The following DMD variants were observed in gnomAD, a reference collection of about 807,000 sequenced individuals.
DMD encodes the protein mutant dystrophin.
A neutral mutation model predicts 330.1 loss-of-function variants in DMD; 63 were observed. That is an observed-to-expected ratio of 0.19 (90% CI 0.16 to 0.24). DMD has a LOEUF of 0.24. Ranked by LOEUF, DMD falls within the 10% of genes least tolerant of loss-of-function variation. The pLI is 1.00. For missense variants in DMD, 3,344 were observed against 2,684.1 expected (o/e 1.25, Z -5.43); for synonymous variants, 1,223 against 959.8 (o/e 1.27, Z -5.07).
intron 59 of DMD, among the ~76,000 whole-genome samples, chrX:31,446,703 T>C: frequency 1.0e-5 from 1 of 99,091 alleles, no homozygotes. Context: ...AAATGATCCA[T>C]ATTAATTTTG....
At chrX:31,738,345 A>G (rs2149059736) in intron 51 of DMD, among the ~76,000 whole-genome samples, 1 of 112,270 alleles carries the variant, frequency 8.9e-6, no homozygotes, top group Non-Finnish European at 1.9e-5. Context: ...ATTGATAACC[A>G]GAGAAATGAA....
intron 2 of DMD, among the ~76,000 whole-genome samples, chrX:32,868,055 T>C (rs1170099058): frequency 1.8e-5 from 2 of 110,026 alleles, no homozygotes; most frequent in African/African-American, 6.6e-5. Context: ...TGGGACTGAC[T>C]AGGCAGTTGG....
intron 3 of DMD, among the ~76,000 whole-genome samples, chrX:32,847,245 T>C (rs966866771): frequency 8.9e-6 from 1 of 111,965 alleles, no homozygotes; most frequent in African/African-American, 3.2e-5. Context: ...ACATTAAATG[T>C]ACACATGTGC....
intron 52 of DMD, among the ~76,000 whole-genome samples, chrX:31,726,443 T>C (rs2086062602): frequency 8.9e-6 from 1 of 112,534 alleles, no homozygotes; most frequent in Non-Finnish European, 1.9e-5. Flanking sequence ...TTTTTCTTTA[T>C]TTAGCTGATT....
At chrX:32,494,631 C>A (rs1033512887) in intron 19 of DMD, among the ~76,000 whole-genome samples, 1 of 111,117 alleles carries the variant, frequency 9.0e-6, no homozygotes, top group East Asian at 2.8e-4. Context: ...AATGCTGACA[C>A]ATACTAGGCA....
chrX:32,472,229 G>A lies in DMD; in HGVS notation c.2884C>T (p.Leu962Phe). The A allele has an allele frequency of 8.3e-7, 1 of 1,210,922 alleles. No homozygotes were observed. The highest frequency in any genetic ancestry group is 1.1e-6 in the Non-Finnish European group (1 of 894,826). The change falls in exon 22 of 79, where the codon CTC (leucine) becomes TTC (phenylalanine). Residue 962 changes from leucine (L) to phenylalanine (F), a missense_variant. Transcript: ENST00000357033. Reference protein sequence around the residue: ...RTWVQQSETKLSIPQLSVTDY... With the variant: ...RTWVQQSETKFSIPQLSVTDY... ...GTGACACTAAGTTGAGGTATGGAGA[G>A]TTTGGTTTCTGACTGCTGGACCCAT...
intron 44 of DMD, among the ~76,000 whole-genome samples, chrX:32,146,539 ATAACAAGAGTACC>A (rs2096779319): frequency 1.8e-5 from 2 of 112,125 alleles, no homozygotes; most frequent in South Asian, 7.4e-4. Flanking sequence ...ATAAAATAGG[ATAACAAGAGTACC>A]TATCTTATAG....
chrX:32,528,034 C>A (rs1256719943), intron 17 of DMD, among the ~76,000 whole-genome samples: 1 of 112,320 alleles, frequency 8.9e-6, no homozygotes. Flanking sequence ...GAGGGCCAGG[C>A]GTGGCGGCTC....
intron 60 of DMD, among the ~76,000 whole-genome samples, chrX:31,372,398 T>C (rs2059640415): frequency 9.0e-6 from 1 of 111,698 alleles, no homozygotes; most frequent in Non-Finnish European, 1.9e-5. Context: ...AGGTAAGTAA[T>C]GAAAGATGAA....
In DMD at chrX:31,726,471, A is replaced by G. The variant is rs189918608; in HGVS notation, c.7660+3160T>C. On this transcript the variant is annotated intron_variant, in intron 52 of 78. Transcript: ENST00000357033. ...AGCTGATTTCTTTTTGAGCATTTCT[A>G]GAAGTTTCATGGCAATAAAAAGGAA... Among the ~76,000 whole-genome samples, 798 of 112,493 alleles carry G rather than the reference A, an allele frequency of 7.1e-3. 1 individual carries two copies. Among genetic ancestry groups the G allele is most frequent in the Non-Finnish European group, 0.01 (552 of 53,249 alleles).
chrX:31,415,037 C>T (rs2061805886), intron 60 of DMD, among the ~76,000 whole-genome samples: 1 of 112,119 alleles, frequency 8.9e-6, no homozygotes, highest in Non-Finnish European at 1.9e-5. Flanking sequence ...ATAAGCATTC[C>T]TTAATAGCGG....
intron 2 of DMD, among the ~76,000 whole-genome samples, chrX:32,910,205 G>T (rs921805036): frequency 2.7e-5 from 3 of 111,689 alleles, no homozygotes; most frequent in African/African-American, 9.8e-5. Flanking sequence ...AGGTTTTCCA[G>T]ACAGCTGAGA....
Position 33,106,054 on chromosome X carries a change from C to CACACACACA in DMD, c.32-85855_32-85854insTGTGTGTGT, listed in dbSNP as rs10624675. Among the ~76,000 whole-genome samples the CACACACACA allele has an allele frequency of 5.3e-3, 473 of 89,433 alleles. 2 individuals carry two copies. Among genetic ancestry groups the CACACACACA allele is most frequent in the Middle Eastern group, 0.021 (4 of 188 alleles). 77.7% of individuals were successfully genotyped at this position (89,433 alleles called of 115,157 possible). ...ATAAAGAAAATGTGAGATACACACACCACACACACACACACACACACACAC... is the reference window on the plus strand; with the variant it reads ...ATAAAGAAAATGTGAGATACACACACACACACACACACACACACACACACACACACACAC... On this transcript the variant is annotated intron_variant, in intron 1 of 78. Transcript: ENST00000357033.
intron 44 of DMD, among the ~76,000 whole-genome samples, chrX:32,155,199 C>T (rs2096824868): frequency 9.0e-6 from 1 of 110,687 alleles, no homozygotes; most frequent in East Asian, 2.8e-4. Context: ...CCACTTAATC[C>T]GGACCTCAGC....
intron 1 of DMD, among the ~76,000 whole-genome samples, chrX:33,181,314 G>T (rs1569557683): frequency 9.3e-6 from 1 of 107,798 alleles, no homozygotes; most frequent in Non-Finnish European, 1.9e-5. Context: ...ATTAAACCTA[G>T]TATCTTGATA....
At chrX:33,289,550 T>A (rs897297985) in intron 1 of DMD, among the ~76,000 whole-genome samples, 1 of 111,788 alleles carries the variant, frequency 8.9e-6, no homozygotes, top group African/African-American at 3.2e-5. Flanking sequence ...TAGGTGGTGT[T>A]TCAAGGAAGG....
At chrX:32,608,951 C>A (rs1426068079) in intron 12 of DMD, among the ~76,000 whole-genome samples, 1 of 110,861 alleles carries the variant, frequency 9.0e-6, no homozygotes, top group Non-Finnish European at 1.9e-5. Flanking sequence ...TTGCTAACCA[C>A]TAAAAGCACC....
intron 63 of DMD, among the ~76,000 whole-genome samples, chrX:31,240,189 T>C (rs2048108907): frequency 9.0e-6 from 1 of 110,574 alleles, no homozygotes; most frequent in African/African-American, 3.3e-5. Flanking sequence ...TCTGTCAGTC[T>C]ATTGCGCTAC....
At chrX:31,992,715 T>C (rs2095559114) in intron 44 of DMD, among the ~76,000 whole-genome samples, 1 of 111,128 alleles carries the variant, frequency 9.0e-6, no homozygotes, top group Admixed American at 9.7e-5. Flanking sequence ...ATATATACTT[T>C]TGTAGAGCAG....
Sources: gnomAD v4.1 joint callset for allele counts (sites outside exome capture counted in the v4.1 genomes callset) on GRCh38, gnomAD v4.1.1 for gene constraint, MANE v1.5 for transcripts, NCBI Gene and HGNC (gene_info 2026-07-23, HGNC 2026-07-21) for gene names.